CADPS: variants seen among roughly 807,000 people sequenced by gnomAD.
CADPS encodes calcium dependent secretion activator.
A neutral mutation model predicts 167.3 loss-of-function variants in CADPS; 57 were observed. The observed-to-expected ratio is 0.34, with a 90% CI of 0.28 to 0.42. The LOEUF (loss-of-function observed/expected upper bound fraction) is 0.42, where lower values mean the gene tolerates loss of function less well. CADPS is among the 20% of genes least tolerant of loss of function. CADPS has a pLI of 1.00. For missense variants in CADPS, 1,414 were observed against 1,738.1 expected (o/e 0.81, Z 3.32); for synonymous variants, 676 against 635.3 (o/e 1.06, Z -0.96).
At chr3:62,835,168 C>T (rs73844611) in intron 1 of CADPS, among the ~76,000 whole-genome samples, 4,571 of 152,152 alleles carry the variant, frequency 0.03, 84 homozygotes, top group Middle Eastern at 0.054. Context: ...AATTAGATCA[C>T]TTTTTTTAGT....
chr3:62,537,661 C>T (rs537673705), intron 11 of CADPS, among the ~76,000 whole-genome samples: 34 of 152,018 alleles, frequency 2.2e-4, no homozygotes, highest in South Asian at 8.3e-4. Context: ...TGTCAGGACA[C>T]GGGAAAAATC....
At chr3:62,733,130 C>G (rs1199137498) in intron 3 of CADPS, among the ~76,000 whole-genome samples, 1 of 152,202 alleles carries the variant, frequency 6.6e-6, no homozygotes, top group East Asian at 1.9e-4. Context: ...CTTTCATAAA[C>G]CAGAAATCAG....
At chr3:62,579,295 C>T (rs1324677718) in intron 8 of CADPS, among the ~76,000 whole-genome samples, 1 of 152,148 alleles carries the variant, frequency 6.6e-6, no homozygotes, top group African/African-American at 2.4e-5. Context: ...TCCAATTTCT[C>T]TAAGTGTAAA....
At chr3:62,550,178 G>T in intron 10 of CADPS, 63 bp from the exon 11 acceptor site, 2 of 1,389,700 alleles carry the variant, frequency 1.4e-6, no homozygotes, top group Non-Finnish European at 2.0e-6. Context: ...ACTGGACTCA[G>T]CCTTTGAAAA....
chr3:62,850,978 T>C lies in CADPS; in HGVS notation c.441+23611A>G, dbSNP rs1430059491. Among the ~76,000 whole-genome samples, 836 of 149,140 alleles carry C rather than the reference T, an allele frequency of 5.6e-3. 11 individuals are homozygous for C. Among genetic ancestry groups the C allele is most frequent in the African/African-American group, 0.019 (779 of 40,130 alleles). On this transcript the variant is annotated intron_variant, in intron 1 of 29. Transcript: ENST00000383710. ...TGCTCCTGTATTGGGTGCATATATATTTAGGATAGTTAGCTCCTCTTGTTG... is the reference window on the plus strand; with the variant it reads ...TGCTCCTGTATTGGGTGCATATATACTTAGGATAGTTAGCTCCTCTTGTTG...
chr3:62,510,585 T>C (rs2067598084), intron 17 of CADPS, among the ~76,000 whole-genome samples: 1 of 152,190 alleles, frequency 6.6e-6, no homozygotes, highest in African/African-American at 2.4e-5. Context: ...GAACATTTAA[T>C]TTCTAATAAT....
Position 62,602,214 on chromosome 3 carries a change from T to C in CADPS, c.1326-9466A>G, listed in dbSNP as rs1017743380. ...GAGTAAGCCAAGAACACATCTACGT[T>C]AGGCAAATAAGGACCCTTGGAGAAT... On this transcript the variant is annotated intron_variant, in intron 6 of 29. Coordinates refer to ENST00000383710, the MANE Select transcript of CADPS (RefSeq NM_003716.4). This position sits in a 1 kb window ranked among gnomAD's most constrained non-coding sequence, Gnocchi z 4.4. 7.3e-6 allele frequency among the ~76,000 whole-genome samples: 1 copy of C among 136,796 alleles called. No individual in the cohort carries two copies. Among genetic ancestry groups the C allele is most frequent in the Non-Finnish European group, 1.5e-5 (1 of 65,290 alleles). The allele number at this position is 136,796 out of a possible 152,430, so 89.7% of individuals were successfully genotyped here. A position where few individuals can be genotyped will look rare whatever the true frequency, so the allele number is the denominator to read the frequency against.
intron 23 of CADPS, among the ~76,000 whole-genome samples, chr3:62,475,744 G>A (rs564622451): frequency 1.3e-5 from 2 of 152,174 alleles, no homozygotes; most frequent in South Asian, 2.1e-4. Context: ...TTTAAGCTAC[G>A]CTGAAAATAC....
At chr3:62,566,979 G>A (rs1026047557) in intron 9 of CADPS, among the ~76,000 whole-genome samples, 1 of 152,174 alleles carries the variant, frequency 6.6e-6, no homozygotes, top group Non-Finnish European at 1.5e-5. Flanking sequence ...TCTCAGAAGT[G>A]AGCACAGAGC....
chr3:62,674,919 A>G (rs916893859), intron 3 of CADPS, among the ~76,000 whole-genome samples: 2 of 152,324 alleles, frequency 1.3e-5, no homozygotes, highest in South Asian at 2.1e-4. Flanking sequence ...CATGTGTTGT[A>G]CTGAAAACAA....
intron 12 of CADPS, among the ~76,000 whole-genome samples, chr3:62,534,084 C>G (rs1323800092): frequency 6.6e-6 from 1 of 152,188 alleles, no homozygotes; most frequent in Non-Finnish European, 1.5e-5. Context: ...CACTCAAGGT[C>G]ACCCTTAAGC....
At chr3:62,712,790 A>C (rs2083654333) in intron 3 of CADPS, among the ~76,000 whole-genome samples, 1 of 152,180 alleles carries the variant, frequency 6.6e-6, no homozygotes, top group South Asian at 2.1e-4. Flanking sequence ...TTGGCACTAA[A>C]ATCTGTGGAT....
At chr3:62,492,957 T>C (rs1482316675) in intron 19 of CADPS, among the ~76,000 whole-genome samples, 1 of 152,232 alleles carries the variant, frequency 6.6e-6, no homozygotes, top group Non-Finnish European at 1.5e-5. Context: ...GAAATGTTAC[T>C]CCTATTTCAT....
intron 24 of CADPS, 146 bp from the exon 25 acceptor site, chr3:62,466,559 C>T (rs2059956938): frequency 2.9e-6 from 2 of 690,632 alleles, no homozygotes; most frequent in East Asian, 5.5e-5. Flanking sequence ...TTTATAAGAT[C>T]CTGACTCCAG....
intron 17 of CADPS, among the ~76,000 whole-genome samples, chr3:62,505,528 T>A (rs1223111126): frequency 1.3e-5 from 2 of 152,214 alleles, no homozygotes; most frequent in Non-Finnish European, 2.9e-5. Flanking sequence ...CAACTGTTGC[T>A]AAAGCCTCCA....
intron 1 of CADPS, among the ~76,000 whole-genome samples, chr3:62,857,116 T>G (rs970173268): frequency 1.2e-4 from 18 of 151,940 alleles, no homozygotes; most frequent in African/African-American, 4.3e-4. Flanking sequence ...ACCACTAAAA[T>G]AGAAATAGCT....
chr3:62,677,262 T>C (rs2076472867), intron 3 of CADPS, among the ~76,000 whole-genome samples: 1 of 151,886 alleles, frequency 6.6e-6, no homozygotes, highest in Non-Finnish European at 1.5e-5. Flanking sequence ...TTCACCTTCC[T>C]CCTCACCACT....
At chr3:62,720,338 TTTG>T (rs1327792761) in intron 3 of CADPS, among the ~76,000 whole-genome samples, 15 of 127,296 alleles carry the variant, frequency 1.2e-4, no homozygotes, top group Admixed American at 2.3e-4. Flanking sequence ...TGTTTGTTTG[TTTG>T]TTTTTTTTTG....
chr3:62,439,557 T>C (rs1279936304), intron 27 of CADPS: 1 of 152,206 alleles, frequency 6.6e-6, no homozygotes, highest in Non-Finnish European at 1.5e-5. Context: ...TACAAAACAA[T>C]AGAGGTTCTC....
Sources: gnomAD v4.1 joint callset for allele counts (sites outside exome capture counted in the v4.1 genomes callset) on GRCh38, gnomAD v4.1.1 for gene constraint, Gnocchi (gnomAD v3.1) non-coding constraint, MANE v1.5 for transcripts, NCBI Gene and HGNC (gene_info 2026-07-23, HGNC 2026-07-21) for gene names.